The following CXADR variants were observed in gnomAD, a reference collection of about 807,000 sequenced individuals.
CXADR encodes the protein CXADR cell adhesion molecule, also known as coxsackievirus and adenovirus receptor.
CXADR carries 20 observed loss-of-function variants against 40.3 expected under a neutral mutation model. The ratio of observed to expected loss-of-function variants is 0.50; its 90% CI spans 0.35 to 0.72. The LOEUF (loss-of-function observed/expected upper bound fraction) is 0.72, where lower values mean the gene tolerates loss of function less well. Ranked by LOEUF, CXADR falls within the 30% of genes least tolerant of loss-of-function variation. The pLI, the probability that CXADR is intolerant of heterozygous loss-of-function variation, is 0.01. For synonymous variants in CXADR, 150 were observed against 161.3 expected (o/e 0.93, Z 0.53); for missense variants, 332 against 449.1 (o/e 0.74, Z 2.36).
At chr21:17,577,828 A>G (rs2061333157) in intron 7 of CXADR, among the ~76,000 whole-genome samples, 1 of 151,150 alleles carries the variant, frequency 6.6e-6, no homozygotes, top group East Asian at 1.9e-4. Context: ...TTCTCCTGGC[A>G]CTCTCTGCTT....
chr21:17,518,111 T>C (rs1272059725), intron 1 of CXADR, among the ~76,000 whole-genome samples: 2 of 152,102 alleles, frequency 1.3e-5, no homozygotes, highest in East Asian at 3.9e-4. Context: ...CTGTGTTTTA[T>C]AGGGGGAAAA....
chr21:17,523,954 G>A (rs1395968215), intron 1 of CXADR, among the ~76,000 whole-genome samples: 1 of 151,902 alleles, frequency 6.6e-6, no homozygotes, highest in Non-Finnish European at 1.5e-5. Context: ...CGCCTCCCAG[G>A]TTTAAGCAAT....
chr21:17,544,718 C>A (rs1396307014), intron 1 of CXADR, among the ~76,000 whole-genome samples: 4 of 152,126 alleles, frequency 2.6e-5, no homozygotes, highest in Non-Finnish European at 5.9e-5. Context: ...CTGGGCAGGC[C>A]TCAGGTTTAA....
Position 17,563,899 on chromosome 21 carries a change from C to T in CXADR, c.834-1529C>T, listed in dbSNP as rs528359928. On this transcript the variant is annotated intron_variant, in intron 6 of 6. Transcript: ENST00000284878. The stretch of plus-strand genomic sequence containing the variant: ...GAGCTTGCAGTGAGCTGAGATCACG[C>T]CACTGCACTCCAGCCTGGGCAACAG... 1.4e-3 allele frequency among the ~76,000 whole-genome samples: 166 copies of T among 122,164 alleles called. 1 individual carries two copies. The highest frequency in any genetic ancestry group is 4.7e-3 in the African/African-American group (161 of 34,030). The allele number at this position is 122,164 out of a possible 152,430, so 80.1% of individuals were successfully genotyped here. A position where few individuals can be genotyped will look rare whatever the true frequency, so the allele number is the denominator to read the frequency against.
chr21:17,551,866 T>A lies in CXADR; in HGVS notation c.328T>A (p.Leu110Ile), dbSNP rs748435278. The A allele has an allele frequency of 1.2e-6, 2 of 1,613,958 alleles. No individual in the cohort carries two copies. The highest frequency in any genetic ancestry group is 2.2e-5 in the South Asian group (2 of 91,076). ...SGDASINVTN[L>I]QLSDIGTYQC... ...TGATGCATCAATAAATGTAACGAAT[T>A]TACAACTGTCAGATATTGGCACATA... is the stretch of plus-strand genomic sequence containing the variant. Residue 110 changes from leucine (L) to isoleucine (I), a missense_variant, in exon 3 of 7, where the codon TTA (leucine) becomes ATA (isoleucine). Leu to Ile is a conservative substitution (Grantham distance 5, BLOSUM62 2). This residue lies in a region of CXADR where 162 missense variants were observed against 198.5 expected (regional missense o/e 0.82). Transcript: ENST00000284878.
chr21:17,563,882 A>C (rs1349031134), intron 6 of CXADR, among the ~76,000 whole-genome samples: 1 of 135,166 alleles, frequency 7.4e-6, no homozygotes, highest in African/African-American at 2.8e-5. Flanking sequence ...TGGAGCTTGC[A>C]GTGAGCTGAG....
chr21:17,609,854 C>A, the CXADR span, among the ~76,000 whole-genome samples: 1 of 151,982 alleles, frequency 6.6e-6, no homozygotes, highest in African/African-American at 2.4e-5. Flanking sequence ...ATACAAGCTA[C>A]AATATGGGTG....
chr21:17,594,336 T>C (rs373867022), downstream of CXADR: 9 of 1,611,826 alleles, frequency 5.6e-6, no homozygotes, highest in African/African-American at 1.2e-4. Context: ...CTGAAATCTG[T>C]AGGGAAGAGA....
At chr21:17,555,307 T>C (rs1417510994) in intron 3 of CXADR, among the ~76,000 whole-genome samples, 1 of 152,222 alleles carries the variant, frequency 6.6e-6, no homozygotes, top group Non-Finnish European at 1.5e-5. Context: ...GGCTCAGTCA[T>C]CACTGGCCTT....
the CXADR span, among the ~76,000 whole-genome samples, chr21:17,628,723 G>T: frequency 6.6e-6 from 1 of 152,028 alleles, no homozygotes; most frequent in Non-Finnish European, 1.5e-5. Context: ...GACTGGTCTC[G>T]AACTCCTGAC....
At chr21:17,564,312 T>C (rs1196596220) in intron 6 of CXADR, among the ~76,000 whole-genome samples, 1 of 146,004 alleles carries the variant, frequency 6.8e-6, no homozygotes, top group African/African-American at 2.5e-5. Context: ...CTGAGCAAGA[T>C]GTCTCTATTA....
the CXADR span, among the ~76,000 whole-genome samples, chr21:17,605,594 C>G: frequency 6.6e-6 from 1 of 152,170 alleles, no homozygotes; most frequent in Admixed American, 6.5e-5. Flanking sequence ...TTTCATTTAA[C>G]TTCTATTTAC....
downstream of CXADR, chr21:17,594,081 T>C (rs2061470887): frequency 1.2e-6 from 2 of 1,610,880 alleles, no homozygotes; most frequent in Non-Finnish European, 1.7e-6. Flanking sequence ...ACCAACACAA[T>C]CAAAAACGAA....
At chr21:17,584,474 G>C (rs954011608) in intron 7 of CXADR, among the ~76,000 whole-genome samples, 1 of 152,152 alleles carries the variant, frequency 6.6e-6, no homozygotes, top group Admixed American at 6.6e-5. Flanking sequence ...ACGTTCAAAT[G>C]GTTCCTAATG....
chr21:17,613,029 T>G, the CXADR span: 1 of 151,544 alleles, frequency 6.6e-6, no homozygotes, highest in South Asian at 2.1e-4. Context: ...GGGGCGGGGC[T>G]TCGCCGCGAG....
At chr21:17,526,499 A>T (rs1030563725) in intron 1 of CXADR, among the ~76,000 whole-genome samples, 22 of 152,180 alleles carry the variant, frequency 1.4e-4, no homozygotes, top group African/African-American at 5.3e-4. Context: ...TATATTTTTA[A>T]TTTGCCTAGG....
chr21:17,635,788 A>G, the CXADR span, among the ~76,000 whole-genome samples: 1 of 152,134 alleles, frequency 6.6e-6, no homozygotes, highest in Non-Finnish European at 1.5e-5. Context: ...CTGCACTTTA[A>G]TTTAAACTTT....
chr21:17,542,772 G>A (rs374151841), intron 1 of CXADR, among the ~76,000 whole-genome samples: 10 of 152,126 alleles, frequency 6.6e-5, no homozygotes, highest in Non-Finnish European at 4.4e-5. Flanking sequence ...CTTTTAAACC[G>A]TGTTTCAACC....
At chr21:17,622,781 C>A in the CXADR span, among the ~76,000 whole-genome samples, 1 of 151,980 alleles carries the variant, frequency 6.6e-6, no homozygotes, top group Non-Finnish European at 1.5e-5. Context: ...AGCTGAAGAA[C>A]GAATAGGAGA....
Sources: gnomAD v4.1 joint callset for allele counts (sites outside exome capture counted in the v4.1 genomes callset) on GRCh38, gnomAD v4.1.1 for gene constraint, gnomAD v4.1.1 regional missense constraint, MANE v1.5 for transcripts, NCBI Gene and HGNC (gene_info 2026-07-23, HGNC 2026-07-21) for gene names.